Variants in PCDHA13 observed in about 807,000 individuals in gnomAD.
The protein encoded by PCDHA13 is protocadherin alpha 13.
Under a neutral mutation model 64.8 loss-of-function variants are expected in PCDHA13, and 54 were observed. The observed-to-expected ratio is 0.83, with a 90% CI of 0.67 to 1.04. The LOEUF (loss-of-function observed/expected upper bound fraction) is 1.04. Among genes scored for constraint, PCDHA13 ranks in the 50% least tolerant of loss-of-function variants. The pLI, the probability that PCDHA13 is intolerant of heterozygous loss-of-function variation, is 0.00. For synonymous variants in PCDHA13, 587 were observed against 564.4 expected, an observed-to-expected ratio of 1.04 and a Z score of -0.57; for missense variants, 1,248 against 1,254.3, an observed-to-expected ratio of 0.99 and a Z score of 0.08.
chr5:140,945,597 A>G (rs374286655), intron 1 of PCDHA13, among the ~76,000 whole-genome samples: 11 of 152,170 alleles, frequency 7.2e-5, no homozygotes, highest in Non-Finnish European at 1.2e-4. Context: ...CTTCAAAGCT[A>G]TAATAATCAA....
At chr5:140,915,557 T>G (rs909593732) in intron 1 of PCDHA13, among the ~76,000 whole-genome samples, 1 of 152,102 alleles carries the variant, frequency 6.6e-6, no homozygotes, top group African/African-American at 2.4e-5. Flanking sequence ...AGATCCAGAA[T>G]GATTATCTGG....
intron 1 of PCDHA13, chr5:140,926,797 T>G: frequency 2.1e-6 from 3 of 1,450,476 alleles, no homozygotes; most frequent in Non-Finnish European, 1.8e-6. Flanking sequence ...AGGAGCGTGC[T>G]CTTCCCCGCG....
At chr5:141,000,547 A>T (rs2097946124) in intron 3 of PCDHA13, among the ~76,000 whole-genome samples, 1 of 147,246 alleles carries the variant, frequency 6.8e-6, no homozygotes, top group Non-Finnish European at 1.5e-5. Context: ...CATGCCTCAA[A>T]CTCCCGAGTA....
chr5:140,890,434 T>C (rs1368664447), intron 1 of PCDHA13, among the ~76,000 whole-genome samples: 2 of 152,226 alleles, frequency 1.3e-5, no homozygotes, highest in Non-Finnish European at 2.9e-5. Flanking sequence ...ATATTTACAA[T>C]ACCTAGTGAT....
chr5:140,989,197 C>T (rs2097332742), intron 3 of PCDHA13, among the ~76,000 whole-genome samples: 1 of 152,206 alleles, frequency 6.6e-6, no homozygotes, highest in Admixed American at 6.5e-5. Context: ...ACCCTCCCTT[C>T]TAGCTTTCTT....
At chr5:140,990,778 T>C (rs2097414170) in intron 3 of PCDHA13, among the ~76,000 whole-genome samples, 1 of 152,208 alleles carries the variant, frequency 6.6e-6, no homozygotes, top group South Asian at 2.1e-4. Flanking sequence ...GGCTCTGTGT[T>C]GGACGATGAA....
chr5:140,937,653 C>G (rs930742748), intron 1 of PCDHA13, among the ~76,000 whole-genome samples: 1 of 151,298 alleles, frequency 6.6e-6, no homozygotes, highest in Non-Finnish European at 1.5e-5. Context: ...TGGCTCACGC[C>G]TGTAATCCCA....
At chr5:140,949,264 G>T (rs139292588) in intron 1 of PCDHA13, among the ~76,000 whole-genome samples, 2 of 151,666 alleles carry the variant, frequency 1.3e-5, no homozygotes, top group African/African-American at 2.4e-5. Flanking sequence ...AACATATCAC[G>T]TGCACTTGAA....
intron 1 of PCDHA13, among the ~76,000 whole-genome samples, chr5:140,911,235 A>G (rs1426271043): frequency 1.3e-5 from 2 of 152,146 alleles, no homozygotes; most frequent in Non-Finnish European, 2.9e-5. Flanking sequence ...TTCTTCTGGC[A>G]AAAAAAGTTT....
At chr5:140,896,346 G>A (rs1466880160) in intron 1 of PCDHA13, among the ~76,000 whole-genome samples, 17 of 151,992 alleles carry the variant, frequency 1.1e-4, no homozygotes, top group African/African-American at 3.4e-4. Flanking sequence ...TTATATTCCC[G>A]CCAGCAGTGT....
chr5:140,957,138 C>G (rs1554222835), intron 1 of PCDHA13, among the ~76,000 whole-genome samples: 1 of 151,982 alleles, frequency 6.6e-6, no homozygotes, highest in African/African-American at 2.4e-5. Flanking sequence ...ACACTATGAA[C>G]TAAAAATTTT....
At position 140,884,654 on chromosome 5, in the gene PCDHA13, T is replaced by C; in HGVS notation, c.2386T>C (p.Leu796=). 1 of 1,602,858 alleles carries C rather than the reference T, an allele frequency of 6.2e-7. No homozygotes were observed. The highest frequency in any genetic ancestry group is 1.1e-5 in the South Asian group (1 of 89,508). The change falls in exon 1 of 4, where the codon TTG becomes CTG. Residue 796 remains leucine, a synonymous_variant. Transcript: ENST00000289272. ...TGQREEDSEC[L]KEPRQPNPDW... ...CCAGAGGGAGGAGGACTCAGAATGC[T>C]TGAAAGAGGTAAGCTTATATTTTAA...
intron 1 of PCDHA13, among the ~76,000 whole-genome samples, chr5:140,959,833 T>C (rs539062460): frequency 1.3e-5 from 2 of 152,366 alleles, no homozygotes; most frequent in East Asian, 3.9e-4. Context: ...TAATGTATTA[T>C]GCCTGTAACT....
chr5:140,946,807 A>G (rs1333101378), intron 1 of PCDHA13, among the ~76,000 whole-genome samples: 3 of 151,418 alleles, frequency 2.0e-5, no homozygotes, highest in Non-Finnish European at 4.4e-5. Context: ...CAGAGAGTAT[A>G]ACAGTGATTA....
intron 1 of PCDHA13, chr5:140,928,773 T>A: frequency 6.2e-7 from 1 of 1,614,164 alleles, no homozygotes; most frequent in Non-Finnish European, 8.5e-7. Context: ...TTCTTCCCAC[T>A]GATGCAGTTA....
intron 1 of PCDHA13, among the ~76,000 whole-genome samples, chr5:140,974,558 C>A (rs984567503): frequency 4.5e-4 from 68 of 152,132 alleles, no homozygotes; most frequent in African/African-American, 1.6e-3. Context: ...GTTGCCCAGG[C>A]TGGAGTGCAA....
Position 140,883,352 on chromosome 5 carries a change from G to A in PCDHA13, c.1084G>A (p.Asp362Asn), listed in dbSNP as rs1554177776. ...ITSLSLPIREDTQPSAIIALI... is the reference protein window; with the variant it reads ...ITSLSLPIRENTQPSAIIALI... ...TTCTTTGTCACTCCCCATCAGAGAA[G>A]ACACTCAGCCTAGCGCCATTATTGC... is the stretch of plus-strand genomic sequence containing the variant. The change falls in exon 1 of 4, where the codon GAC (aspartate) becomes AAC (asparagine). Residue 362 changes from aspartate (D) to asparagine (N), a missense_variant. Coordinates refer to ENST00000289272, the MANE Select transcript of PCDHA13 (RefSeq NM_018904.3). The A allele has an allele frequency of 1.9e-6, 3 of 1,614,164 alleles. No homozygotes were observed. In the East Asian group the frequency reaches 6.7e-5, roughly 36 times the overall value.
chr5:140,940,434 T>A (rs155816), intron 1 of PCDHA13, among the ~76,000 whole-genome samples: 48,246 of 152,056 alleles, frequency 0.32, 7,999 homozygotes, highest in East Asian at 0.53. Flanking sequence ...TGATCAAGTC[T>A]GCCATGATAT....
intron 1 of PCDHA13, among the ~76,000 whole-genome samples, chr5:140,963,059 A>G (rs1307714661): frequency 6.6e-6 from 1 of 152,162 alleles, no homozygotes; most frequent in Non-Finnish European, 1.5e-5. Context: ...GGGTTTCTAC[A>G]TTGTGAAGGA....
Sources: allele counts gnomAD v4.1 joint callset (sites outside exome capture counted in the v4.1 genomes callset), GRCh38; gene constraint gnomAD v4.1.1; transcripts MANE v1.5; gene names NCBI Gene and HGNC (gene_info 2026-07-23, HGNC 2026-07-21).